CELF2: variants seen among roughly 807,000 people sequenced by gnomAD.
CELF2 encodes the protein CUG triplet repeat RNA-binding protein 2.
CELF2 carries 8 observed loss-of-function variants against 62.6 expected under a neutral mutation model. The observed-to-expected ratio is 0.13, with a 90% CI of 0.07 to 0.23. The LOEUF is 0.23. CELF2 is among the 10% of genes least tolerant of loss of function. CELF2 has a pLI of 1.00. For missense variants in CELF2, 333 were observed against 671.0 expected, an observed-to-expected ratio of 0.50 and a Z score of 5.56; for synonymous variants, 258 against 250.0, an observed-to-expected ratio of 1.03 and a Z score of -0.30.
In CELF2 at chr10:11,246,905, A is replaced by T. The variant is rs2075767491; in HGVS notation, c.355-2248A>T. ...ACCCCACAGTCACATCAACCTTAGC[A>T]TGTCCAGACCTGCGCTCGTCAGCCG... is the stretch of plus-strand genomic sequence containing the variant. On this transcript the variant is annotated intron_variant, in intron 3 of 12. Transcript: ENST00000633077. This position sits in a 1 kb window ranked among gnomAD's most constrained non-coding sequence, Gnocchi z 4.6. Among the ~76,000 whole-genome samples the T allele has an allele frequency of 1.3e-5, 2 of 152,142 alleles. No individual in the cohort carries two copies. Among genetic ancestry groups the T allele is most frequent in the Non-Finnish European group, 2.9e-5 (2 of 68,032 alleles).
intron 5 of CELF2, among the ~76,000 whole-genome samples, chr10:11,259,591 C>T (rs1357172858): frequency 1.3e-5 from 2 of 152,260 alleles, no homozygotes; most frequent in South Asian, 2.1e-4. Context: ...GTATCCGGGG[C>T]TCCTCTGCGG....
chr10:11,265,806 T>G (rs2082055753), intron 5 of CELF2, among the ~76,000 whole-genome samples: 1 of 152,246 alleles, frequency 6.6e-6, no homozygotes, highest in East Asian at 1.9e-4. Flanking sequence ...TTCACAGAAG[T>G]GTACATTGTC....
chr10:10,936,189 A>G lies in CELF2; in HGVS notation c.89+16190A>G, dbSNP rs2046370673. Among the ~76,000 whole-genome samples the G allele has an allele frequency of 6.6e-6, 1 of 152,094 alleles. No individual in the cohort carries two copies. The highest frequency in any genetic ancestry group is 1.5e-5 in the Non-Finnish European group (1 of 68,010). On this transcript the variant is annotated intron_variant, in intron 2 of 13. Transcript: ENST00000636488. This position sits in a 1 kb window ranked among gnomAD's most constrained non-coding sequence, Gnocchi z 4.0. ...AAAAAAAATAAATAAAATAATAAAG[A>G]GAGAGAAAAGAAAGAAACAATAAGT...
At chr10:11,051,246 T>G (rs184638674) in intron 1 of CELF2, among the ~76,000 whole-genome samples, 1 of 152,214 alleles carries the variant, frequency 6.6e-6, no homozygotes, top group Non-Finnish European at 1.5e-5. Flanking sequence ...AAAAGTTGTA[T>G]TGGAGCCAGA....
intron 2 of CELF2, among the ~76,000 whole-genome samples, chr10:11,197,053 G>GAAAGAAAGAAAGAAAGAAAGAAAGA (rs1565233139): frequency 3.5e-5 from 2 of 57,168 alleles, no homozygotes; most frequent in Admixed American, 1.5e-4. Flanking sequence ...AAGAAAGAAA[G>GAAAGAAAGAAAGAAAGAAAGAAAGA]AAAGAAAAGA....
chr10:11,324,142 A>G lies in CELF2; in HGVS notation c.1295-1694A>G, dbSNP rs892048568. ...CATAGACAAATTCAGCATGAGCAAC[A>G]TTCTAGAAAGCTAGGATTACTCAGG... On this transcript the variant is annotated intron_variant, in intron 11 of 12. Coordinates refer to ENST00000633077, the MANE Select transcript of CELF2 (RefSeq NM_001326342.2). The surrounding 1 kb of genome is among the most constrained non-coding windows in gnomAD (Gnocchi z 4.7). Among the ~76,000 whole-genome samples, 10 of 152,222 alleles carry G rather than the reference A, an allele frequency of 6.6e-5. No homozygotes were observed. The highest frequency in any genetic ancestry group is 1.5e-4 in the Non-Finnish European group (10 of 68,036).
chr10:10,467,003 A>G, the CELF2 span, among the ~76,000 whole-genome samples: 323 of 152,044 alleles, frequency 2.1e-3, 2 homozygotes, highest in Non-Finnish European at 3.7e-3. Context: ...ATTATTTTTA[A>G]TGGTGTGTTT....
the CELF2 span, among the ~76,000 whole-genome samples, chr10:10,599,713 TTTTC>T: frequency 6.7e-6 from 1 of 148,168 alleles, no homozygotes; most frequent in Admixed American, 6.8e-5. Flanking sequence ...GTCTCTGCCC[TTTTC>T]TTTCTTTCTT....
chr10:10,661,584 A>C, the CELF2 span, among the ~76,000 whole-genome samples: 2 of 152,244 alleles, frequency 1.3e-5, no homozygotes, highest in African/African-American at 2.4e-5. Context: ...ACCTATCTGC[A>C]TTTTTAACAA....
At chr10:10,726,820 G>A in the CELF2 span, among the ~76,000 whole-genome samples, 17 of 152,160 alleles carry the variant, frequency 1.1e-4, no homozygotes, top group Non-Finnish European at 2.5e-4. Context: ...TTCTCACATT[G>A]CTATCAAGAA....
At chr10:10,689,215 G>A in the CELF2 span, among the ~76,000 whole-genome samples, 1 of 152,122 alleles carries the variant, frequency 6.6e-6, no homozygotes, top group African/African-American at 2.4e-5. Context: ...GAGGCCTCAG[G>A]AAATTGACAA....
At chr10:11,225,064 G>A (rs1172757242) in intron 3 of CELF2, among the ~76,000 whole-genome samples, 1 of 152,172 alleles carries the variant, frequency 6.6e-6, no homozygotes, top group African/African-American at 2.4e-5. Flanking sequence ...TAGCATACAG[G>A]TGCCTGGGAA....
chr10:10,727,827 G>A, the CELF2 span, among the ~76,000 whole-genome samples: 2 of 151,828 alleles, frequency 1.3e-5, no homozygotes, highest in African/African-American at 4.8e-5. Flanking sequence ...TGTCATCTTA[G>A]AGATTCCTTT....
chr10:11,313,557 C>A (rs2094705156), intron 9 of CELF2, among the ~76,000 whole-genome samples: 1 of 152,176 alleles, frequency 6.6e-6, no homozygotes, highest in African/African-American at 2.4e-5. Flanking sequence ...GAAATGTAAT[C>A]ACTATTTCAG....
intron 2 of CELF2, among the ~76,000 whole-genome samples, chr10:10,921,304 C>T (rs939067055): frequency 2.6e-5 from 4 of 151,640 alleles, no homozygotes; most frequent in Admixed American, 2.6e-4. Context: ...GAGTCTCCTT[C>T]TGTCGCCCAG....
the CELF2 span, among the ~76,000 whole-genome samples, chr10:10,552,507 G>T: frequency 6.6e-6 from 1 of 152,100 alleles, no homozygotes; most frequent in Non-Finnish European, 1.5e-5. Flanking sequence ...CTATCTCCAG[G>T]TATAAACTCA....
the CELF2 span, among the ~76,000 whole-genome samples, chr10:10,577,674 A>G: frequency 1.3e-5 from 2 of 151,996 alleles, no homozygotes; most frequent in African/African-American, 2.4e-5. Context: ...CCATGTCCCT[A>G]TAAAGGACAT....
chr10:10,646,128 G>C, the CELF2 span, among the ~76,000 whole-genome samples: 1 of 152,172 alleles, frequency 6.6e-6, no homozygotes, highest in East Asian at 1.9e-4. Flanking sequence ...GTGTTGGTCT[G>C]TTTTTTCCCT....
chr10:10,544,810 C>A, the CELF2 span, among the ~76,000 whole-genome samples: 1 of 152,164 alleles, frequency 6.6e-6, no homozygotes, highest in Non-Finnish European at 1.5e-5. Flanking sequence ...AGGGATTGCT[C>A]ACTGACAAGA....
Sources: gnomAD v4.1 joint callset for allele counts (sites outside exome capture counted in the v4.1 genomes callset) on GRCh38, gnomAD v4.1.1 for gene constraint, Gnocchi (gnomAD v3.1) non-coding constraint, MANE v1.5 for transcripts, NCBI Gene and HGNC (gene_info 2026-07-23, HGNC 2026-07-21) for gene names.